The following NPAS2 variants were observed in gnomAD, a reference collection of about 807,000 sequenced individuals.
NPAS2 encodes neuronal PAS domain-containing protein 2.
NPAS2 carries 23 observed loss-of-function variants against 107.5 expected under a neutral mutation model. The ratio of observed to expected loss-of-function variants is 0.21; its 90% confidence interval spans 0.15 to 0.30. The LOEUF is 0.30. NPAS2 is among the 10% of genes least tolerant of loss of function. The pLI is 1.00. For missense variants in NPAS2, 756 were observed against 1,043.3 expected, an observed-to-expected ratio of 0.72 and a Z score of 3.79; for synonymous variants, 403 against 417.5, an observed-to-expected ratio of 0.97 and a Z score of 0.42.
intron 1 of NPAS2, among the ~76,000 whole-genome samples, chr2:100,848,383 A>G (rs1199198947): frequency 6.6e-6 from 1 of 152,178 alleles, no homozygotes; most frequent in African/African-American, 2.4e-5. Context: ...TATAGACACA[A>G]ATCTTATAGG....
chr2:100,908,097 A>G (rs1309632225), intron 2 of NPAS2, among the ~76,000 whole-genome samples: 1 of 152,106 alleles, frequency 6.6e-6, no homozygotes, highest in Non-Finnish European at 1.5e-5. Flanking sequence ...GGAAGTGCGC[A>G]GGGTTAGAAT....
chr2:100,988,710 C>G, intron 17 of NPAS2: 1 of 330,848 alleles, frequency 3.0e-6, no homozygotes, highest in Non-Finnish European at 5.7e-6. Context: ...GTCCCTTGCC[C>G]CAGGTGCCCC....
At chr2:100,834,931 T>G (rs1416475627) in intron 1 of NPAS2, among the ~76,000 whole-genome samples, 2 of 152,188 alleles carry the variant, frequency 1.3e-5, no homozygotes, top group African/African-American at 2.4e-5. Context: ...GCCAGGCTGG[T>G]CTCAAACTCC....
chr2:100,842,081 G>GCGTGCGCGCACACACACACACACACA, intron 1 of NPAS2, among the ~76,000 whole-genome samples: 2 of 148,798 alleles, frequency 1.3e-5, no homozygotes, highest in Non-Finnish European at 3.0e-5. Context: ...GCATGTACGC[G>GCGTGCGCGCACACACACACACACACA]CACACACACA....
At chr2:100,880,711 C>T (rs1183254434) in intron 1 of NPAS2, among the ~76,000 whole-genome samples, 1 of 152,128 alleles carries the variant, frequency 6.6e-6, no homozygotes, top group Admixed American at 6.5e-5. Flanking sequence ...ATGCAGTGAA[C>T]ACCACTGAAT....
intron 5 of NPAS2, among the ~76,000 whole-genome samples, chr2:100,947,067 C>G (rs556469296): frequency 6.6e-6 from 1 of 152,262 alleles, no homozygotes; most frequent in East Asian, 1.9e-4. Flanking sequence ...GAGGCTGGAA[C>G]ATGAGAGAGT....
intron 2 of NPAS2, among the ~76,000 whole-genome samples, chr2:100,917,291 C>T (rs938980890): frequency 2.0e-5 from 3 of 152,084 alleles, no homozygotes; most frequent in Admixed American, 2.0e-4. Flanking sequence ...GGTTGAGAGG[C>T]CAAGGTAAGG....
intron 1 of NPAS2, among the ~76,000 whole-genome samples, chr2:100,891,967 A>C (rs1681100824): frequency 6.6e-6 from 1 of 152,092 alleles, no homozygotes; most frequent in Non-Finnish European, 1.5e-5. Flanking sequence ...AAAGGCTTTC[A>C]CTGACTCAGC....
At chr2:100,897,867 TC>T (rs1681514083) in intron 1 of NPAS2, among the ~76,000 whole-genome samples, 1 of 152,168 alleles carries the variant, frequency 6.6e-6, no homozygotes, top group South Asian at 2.1e-4. Context: ...GCCCAGGCAC[TC>T]AGGGAGTATC....
intron 1 of NPAS2, among the ~76,000 whole-genome samples, chr2:100,898,273 C>T (rs79982251): frequency 0.018 from 2,716 of 152,154 alleles, 49 homozygotes; most frequent in South Asian, 0.024. Flanking sequence ...GTTGCCCAGA[C>T]GACTCGTGGC....
rs1016406444 is a variant in NPAS2, at chr2:100,970,919, G to A, written c.1056-71G>A. ...GTAGAGAACCTCGATGTACCTTGCTGTCTGTTCAGGTGGTGTCATCCCTTC... is the reference window on the plus strand; with the variant it reads ...GTAGAGAACCTCGATGTACCTTGCTATCTGTTCAGGTGGTGTCATCCCTTC... On this transcript the variant is annotated intron_variant, in intron 11 of 20. Coordinates refer to ENST00000335681, the MANE Select transcript of NPAS2 (RefSeq NM_002518.4). 4.4e-6 allele frequency: 6 copies of A among 1,369,320 alleles called. No homozygotes were observed. The East Asian group carries it at 1.4e-4, about 31-fold the overall frequency. The allele number at this position is 1,369,320 out of a possible 1,614,324, so 84.8% of individuals were successfully genotyped here.
At chr2:100,915,394 G>T (rs1352769923) in intron 2 of NPAS2, among the ~76,000 whole-genome samples, 1 of 152,182 alleles carries the variant, frequency 6.6e-6, no homozygotes, top group Non-Finnish European at 1.5e-5. Flanking sequence ...GAACCAGAAG[G>T]TACTGGGCAG....
intron 19 of NPAS2, among the ~76,000 whole-genome samples, chr2:100,992,575 C>T (rs1029536742): frequency 1.3e-4 from 20 of 152,300 alleles, no homozygotes; most frequent in East Asian, 7.7e-4. Flanking sequence ...GATCTCCTCC[C>T]GGCCATGTGA....
intron 6 of NPAS2, 30 bp from the exon 7 acceptor site, chr2:100,949,337 T>C (rs536380516): frequency 7.6e-7 from 1 of 1,319,392 alleles, no homozygotes; most frequent in South Asian, 1.2e-5. Flanking sequence ...CACGACCCCT[T>C]TCTCTCCTCT....
intron 1 of NPAS2, among the ~76,000 whole-genome samples, chr2:100,862,215 G>C (rs1443649951): frequency 6.6e-6 from 1 of 152,200 alleles, no homozygotes; most frequent in Non-Finnish European, 1.5e-5. Context: ...TAGATGCGTA[G>C]TTCACAAACA....
chr2:100,872,874 G>C (rs1679664749), intron 1 of NPAS2, among the ~76,000 whole-genome samples: 1 of 152,110 alleles, frequency 6.6e-6, no homozygotes, highest in African/African-American at 2.4e-5. Context: ...GTGGCATCCT[G>C]AGATCCTATT....
intron 2 of NPAS2, among the ~76,000 whole-genome samples, chr2:100,914,925 T>A (rs1385178972): frequency 1.8e-4 from 27 of 152,076 alleles, no homozygotes; most frequent in Admixed American, 1.8e-3. Context: ...GAGTTCACCA[T>A]TTTTTCCCCT....
At position 100,976,404 on chromosome 2, in the gene NPAS2, G is replaced by A. The variant is rs1322573311; in HGVS notation, c.1392+837G>A. Among the ~76,000 whole-genome samples, 3 of 152,078 alleles carry A rather than the reference G, an allele frequency of 2.0e-5. No homozygotes were observed. Among genetic ancestry groups the A allele is most frequent in the Non-Finnish European group, 4.4e-5 (3 of 68,016 alleles). On this transcript the variant is annotated intron_variant, in intron 14 of 20. Transcript: ENST00000335681. The surrounding 1 kb of genome is among the most constrained non-coding windows in gnomAD (Gnocchi z 4.1). ...TGGAGACGCAGGCAGGAACCATGCA[G>A]ACCTCTGTGACCTAGCCACGGAAGT...
intron 2 of NPAS2, among the ~76,000 whole-genome samples, chr2:100,907,977 T>A (rs980058472): frequency 6.6e-6 from 1 of 152,174 alleles, no homozygotes; most frequent in Non-Finnish European, 1.5e-5. Flanking sequence ...TGTATTCCAG[T>A]TATAAGCATG....
Sources: allele counts gnomAD v4.1 joint callset (sites outside exome capture counted in the v4.1 genomes callset), GRCh38; gene constraint gnomAD v4.1.1; non-coding constraint Gnocchi (gnomAD v3.1); transcripts MANE v1.5; gene names NCBI Gene and HGNC (gene_info 2026-07-23, HGNC 2026-07-21).